The following MED23 variants were observed in gnomAD, a reference collection of about 807,000 sequenced individuals.
The protein encoded by MED23 is mediator complex subunit 23.
In MED23, 105 loss-of-function variants were observed where a neutral mutation model predicts 163.9. That is an observed-to-expected ratio of 0.64 (90% CI 0.55 to 0.75). The LOEUF (loss-of-function observed/expected upper bound fraction) is 0.75, where lower values mean the gene tolerates loss of function less well. Ranked by LOEUF, MED23 falls within the 30% of genes least tolerant of loss-of-function variation. The pLI is 0.00. For synonymous variants in MED23, 561 were observed against 565.6 expected (o/e 0.99, Z 0.12); for missense variants, 1,054 against 1,649.0 (o/e 0.64, Z 6.25).
At chr6:131,600,272 C>A in intron 17 of MED23, 110 bp from the exon 18 acceptor site, 19 of 1,048,898 alleles carry the variant, frequency 1.8e-5, no homozygotes, top group Non-Finnish European at 2.7e-5. Flanking sequence ...CACTGCAGTG[C>A]ATTCACTGCT....
In MED23 at chr6:131,618,519, C is replaced by A; in HGVS notation, c.668G>T (p.Gly223Val). 6.2e-7 allele frequency: 1 copy of A among 1,605,294 alleles called. No homozygotes were observed. ...RPTARINSICGRCSLLPVVNN... is the reference protein window; with the variant it reads ...RPTARINSICVRCSLLPVVNN... Reference sequence around the variant, plus strand: ...TACAACTGGCAGAAGACTACAGCGACCTGTATGTATTACAAAAATGTTTTT... The same window carrying A: ...TACAACTGGCAGAAGACTACAGCGAACTGTATGTATTACAAAAATGTTTTT... Residue 223 changes from glycine (G) to valine (V), a missense_variant and splice_region_variant, in exon 9 of 29, where the codon GGT becomes GTT. Physicochemically the swap from Gly to Val is moderately radical, Grantham distance 109 (BLOSUM62 -3). Around this residue, in one of 11 missense-constraint regions of MED23, gnomAD observed 54 missense variants for 79.7 expected, o/e 0.68. Coordinates refer to ENST00000368068, the MANE Select transcript of MED23 (RefSeq NM_004830.4).
rs6901614 is a variant in MED23, at chr6:131,603,780, T to C, written c.1756+398A>G. Among the ~76,000 whole-genome samples the C allele has an allele frequency of 6.6e-3, 1,006 of 152,358 alleles. 20 individuals carry two copies. Among genetic ancestry groups the C allele is most frequent in the African/African-American group, 0.023 (948 of 41,584 alleles). On this transcript the variant is annotated intron_variant, in intron 15 of 28. Coordinates refer to ENST00000368068, the MANE Select transcript of MED23 (RefSeq NM_004830.4). ...AAATGAGACATTATAATGTATCTTC[T>C]GCAAGGTAGGAAAATTCCTTCTTTA...
rs1363730451 is a variant in MED23, at chr6:131,598,456, C to A, written c.2438G>T (p.Arg813Ile). The A allele has an allele frequency of 1.2e-6, 2 of 1,614,028 alleles. No individual in the cohort carries two copies. The highest frequency in any genetic ancestry group is 8.5e-7 in the Non-Finnish European group (1 of 1,180,028). Residue 813 changes from arginine (R) to isoleucine (I), a missense_variant, in exon 20 of 29, where the codon AGA (arginine) becomes ATA (isoleucine). Physicochemically the swap from Arg to Ile is moderately conservative, Grantham distance 97. This residue lies in a region of MED23 where 228 missense variants were observed against 461.3 expected (regional missense o/e 0.49). Coordinates refer to ENST00000368068, the MANE Select transcript of MED23 (RefSeq NM_004830.4). The surrounding 1 kb of genome is among the most constrained non-coding windows in gnomAD (Gnocchi z 4.7). ...INQIGYRVLE[R>I]IGARALVAHV... The stretch of plus-strand genomic sequence containing the variant: ...GGCTACCAAGGCCCTGGCTCCAATT[C>A]TCTCTAATACTCTGGAAGGCAGAGA...
intron 21 of MED23, 125 bp from the exon 22 acceptor site, chr6:131,596,288 A>T (rs1325580294): frequency 3.2e-6 from 3 of 952,004 alleles, no homozygotes; most frequent in Non-Finnish European, 4.9e-6. Flanking sequence ...ATACTTGATT[A>T]TACTTTACTT....
intron 9 of MED23, among the ~76,000 whole-genome samples, chr6:131,618,175 T>C (rs1776829091): frequency 6.6e-6 from 1 of 152,218 alleles, no homozygotes; most frequent in Non-Finnish European, 1.5e-5. Context: ...AAATTTCAGT[T>C]TCTCACCTCC....
At position 131,620,620 on chromosome 6, in the gene MED23, A is replaced by C. The variant is rs771410563; in HGVS notation, c.597+8T>G. 4.4e-6 allele frequency: 7 copies of C among 1,594,402 alleles called. No individual in the cohort carries two copies. The African/African-American group carries it at 8.1e-5, about 18-fold the overall frequency. On this transcript the variant is annotated splice_region_variant and intron_variant, in intron 7 of 28. Transcript: ENST00000368068. ...TTTTATTAAAAATTCAGGAAATATA[A>C]AATTTACCCAGTGTGGAAGTTTGCC...
At chr6:131,602,410 TA>T (rs1206254481) in intron 16 of MED23, 29 bp from the exon 17 acceptor site, 5 of 1,603,118 alleles carry the variant, frequency 3.1e-6, no homozygotes, top group Non-Finnish European at 4.3e-6. Context: ...AAAAGAAATG[TA>T]AAAAAATTTC....
intron 15 of MED23, 121 bp downstream of exon 15, chr6:131,604,057 T>A (rs1490644269): frequency 2.1e-6 from 2 of 953,466 alleles, no homozygotes; most frequent in East Asian, 4.8e-5. Flanking sequence ...TTTAATGTCC[T>A]CCTCCATAAG....
At chr6:131,591,098 A>G (rs1175843451) in intron 26 of MED23, among the ~76,000 whole-genome samples, 3 of 150,016 alleles carry the variant, frequency 2.0e-5, no homozygotes, top group African/African-American at 7.4e-5. Context: ...CTCCTGCCTT[A>G]GCCTCCCGAG....
In MED23 at chr6:131,615,503, C is replaced by CAAAAAAAAAAAAAAAAAA. The variant is rs917020235; in HGVS notation, c.876+386_876+403dup. ...CCACCAAAAACAAGCAAACACACAC[C>CAAAAAAAAAAAAAAAAAA]AAAAAAAAAAAAAAAAAAAAAAAAA... is the stretch of plus-strand genomic sequence containing the variant. On this transcript the variant is annotated intron_variant, in intron 10 of 28. Transcript: ENST00000368068. 3.5e-4 allele frequency among the ~76,000 whole-genome samples: 5 copies of CAAAAAAAAAAAAAAAAAA among 14,160 alleles called. 2 individuals carry two copies. Among genetic ancestry groups the CAAAAAAAAAAAAAAAAAA allele is most frequent in the African/African-American group, 6.0e-4 (2 of 3,308 alleles). 9.3% of individuals were successfully genotyped at this position (14,160 alleles called of 152,430 possible).
intron 10 of MED23, among the ~76,000 whole-genome samples, chr6:131,612,229 T>G (rs964515014): frequency 1.3e-5 from 2 of 151,274 alleles, no homozygotes; most frequent in Non-Finnish European, 2.9e-5. Context: ...ATTTCTCAAA[T>G]CAAGTTTAAA....
At chr6:131,614,876 GT>G (rs1210885978) in intron 10 of MED23, among the ~76,000 whole-genome samples, 9 of 151,474 alleles carry the variant, frequency 5.9e-5, no homozygotes, top group African/African-American at 2.2e-4. Context: ...TATTTTTGTT[GT>G]TGTTATTTTT....
intron 9 of MED23, among the ~76,000 whole-genome samples, chr6:131,617,349 GGATA>G (rs371897576): frequency 1.0e-4 from 15 of 149,718 alleles, no homozygotes; most frequent in South Asian, 4.2e-4. Context: ...GTGGATGGAC[GGATA>G]GATAGAAAAA....
chr6:131,603,705 G>GA (rs1666729485), intron 15 of MED23, among the ~76,000 whole-genome samples: 1 of 152,190 alleles, frequency 6.6e-6, no homozygotes, highest in Middle Eastern at 3.4e-3. Context: ...CCATGAATCA[G>GA]AAAAACACTT....
intron 30 of MED23, among the ~76,000 whole-genome samples, chr6:131,578,911 G>A (rs1247821216): frequency 6.6e-6 from 1 of 152,042 alleles, no homozygotes; most frequent in Non-Finnish European, 1.5e-5. Context: ...GTATACAGCC[G>A]CACCAGTGTG....
intron 13 of MED23, 73 bp downstream of exon 13, chr6:131,606,406 C>T (rs1243372093): frequency 4.0e-6 from 6 of 1,512,680 alleles, no homozygotes; most frequent in African/African-American, 1.4e-5. Flanking sequence ...ACACAAACAC[C>T]GAGACCAATA....
chr6:131,589,885 T>C (rs1471897539), intron 27 of MED23, among the ~76,000 whole-genome samples: 1 of 152,190 alleles, frequency 6.6e-6, no homozygotes, highest in Non-Finnish European at 1.5e-5. Context: ...CTAGACACCA[T>C]CTCTCGATGT....
intron 11 of MED23, 124 bp downstream of exon 11, chr6:131,609,922 A>C: frequency 1.1e-6 from 1 of 900,314 alleles, no homozygotes; most frequent in Non-Finnish European, 1.8e-6. Flanking sequence ...AAAAGCACTA[A>C]ACAGGACAGA....
Position 131,596,247 on chromosome 6 carries a change from G to T in MED23, c.2779-84C>A, listed in dbSNP as rs940126197. 9 of 1,275,308 alleles carry T rather than the reference G, an allele frequency of 7.1e-6. No homozygotes were observed. The East Asian group carries it at 9.6e-5, about 14-fold the overall frequency. The allele number at this position is 1,275,308 out of a possible 1,614,324, so 79.0% of individuals were successfully genotyped here. A position where few individuals can be genotyped will look rare whatever the true frequency, so the allele number is the denominator to read the frequency against. On this transcript the variant is annotated intron_variant, in intron 21 of 28. Transcript: ENST00000368068. ...GAGCTAAATGTGAAAACATTGTTTA[G>T]ATTTTTTTTTGCAAGGAAACATTTA...
Sources: allele counts gnomAD v4.1 joint callset (sites outside exome capture counted in the v4.1 genomes callset), GRCh38; gene constraint gnomAD v4.1.1; regional missense constraint gnomAD v4.1.1; non-coding constraint Gnocchi (gnomAD v3.1); transcripts MANE v1.5; gene names NCBI Gene and HGNC (gene_info 2026-07-23, HGNC 2026-07-21).